Variants in CNTN4 observed in about 807,000 individuals in gnomAD.
The protein encoded by CNTN4 is contactin 4.
A neutral mutation model predicts 122.5 loss-of-function variants in CNTN4; 77 were observed. The ratio of observed to expected loss-of-function variants is 0.63; its 90% CI spans 0.52 to 0.76. The LOEUF (loss-of-function observed/expected upper bound fraction) is 0.76. Among genes scored for constraint, CNTN4 ranks in the 30% least tolerant of loss-of-function variants. CNTN4 has a pLI of 0.00. For synonymous variants in CNTN4, 512 were observed against 447.0 expected, an observed-to-expected ratio of 1.15 and a Z score of -1.83; for missense variants, 1,256 against 1,259.1, an observed-to-expected ratio of 1.00 and a Z score of 0.04.
chr3:2,348,482 G>A lies in CNTN4; in HGVS notation c.-89+9249G>A, dbSNP rs181530439. On this transcript the variant is annotated intron_variant, in intron 3 of 24. Coordinates refer to ENST00000418658, the MANE Select transcript of CNTN4 (RefSeq NM_175607.3). Reference sequence around the variant, plus strand: ...TCACCAGCCCTCAGGCCTATAGCGAGAACCACCCTGTCCCTGAACCACCAC... The same window carrying A: ...TCACCAGCCCTCAGGCCTATAGCGAAAACCACCCTGTCCCTGAACCACCAC... 2.9e-4 allele frequency among the ~76,000 whole-genome samples: 44 copies of A among 152,230 alleles called. No homozygotes were observed. In the East Asian group the frequency reaches 5.4e-3, roughly 19 times the overall value.
intron 2 of CNTN4, among the ~76,000 whole-genome samples, chr3:2,302,601 C>T (rs936569329): frequency 3.9e-5 from 6 of 152,148 alleles, no homozygotes; most frequent in East Asian, 1.9e-4. Flanking sequence ...TTAATGCTCC[C>T]GCCTGAAAAT....
At chr3:2,896,086 A>G (rs1475836419) in intron 10 of CNTN4, among the ~76,000 whole-genome samples, 1 of 152,110 alleles carries the variant, frequency 6.6e-6, no homozygotes, top group African/African-American at 2.4e-5. Context: ...GGAGTGTTAG[A>G]CATCATTAGG....
intron 2 of CNTN4, among the ~76,000 whole-genome samples, chr3:2,180,733 G>T (rs1021646784): frequency 1.3e-5 from 2 of 151,940 alleles, no homozygotes; most frequent in East Asian, 1.9e-4. Flanking sequence ...TGACTATCAC[G>T]CACACTTACA....
chr3:2,451,198 T>C (rs1202193316), intron 3 of CNTN4, among the ~76,000 whole-genome samples: 1 of 152,196 alleles, frequency 6.6e-6, no homozygotes, highest in Admixed American at 6.6e-5. Context: ...CTAGGTATAT[T>C]ATTATCCAGA....
chr3:2,133,035 G>T (rs1026876495), intron 2 of CNTN4, among the ~76,000 whole-genome samples: 1 of 152,112 alleles, frequency 6.6e-6, no homozygotes, highest in Non-Finnish European at 1.5e-5. Context: ...TAAGTAGGAG[G>T]CATGCAGAGG....
intron 7 of CNTN4, 24 bp from the exon 8 acceptor site, chr3:2,866,728 T>C: frequency 1.9e-6 from 3 of 1,598,104 alleles, no homozygotes; most frequent in Non-Finnish European, 2.6e-6. Context: ...GACATATTTG[T>C]AATGAAGATT....
intron 2 of CNTN4, among the ~76,000 whole-genome samples, chr3:2,106,066 C>G (rs1279831139): frequency 6.6e-6 from 1 of 152,216 alleles, no homozygotes; most frequent in Non-Finnish European, 1.5e-5. Context: ...CTCTATGTCT[C>G]AAGTTCAGGT....
intron 14 of CNTN4, among the ~76,000 whole-genome samples, chr3:3,019,298 T>C (rs2125578855): frequency 6.6e-6 from 1 of 152,222 alleles, no homozygotes; most frequent in Non-Finnish European, 1.5e-5. Context: ...TATTTATTTA[T>C]TTATTTTAGT....
chr3:2,170,315 G>A (rs1391489528), intron 2 of CNTN4, among the ~76,000 whole-genome samples: 4 of 151,826 alleles, frequency 2.6e-5, no homozygotes, highest in Admixed American at 2.0e-4. Context: ...CCAAGACTCC[G>A]TCTCAAAACA....
chr3:2,395,179 A>C (rs1342606741), intron 3 of CNTN4, among the ~76,000 whole-genome samples: 2 of 152,210 alleles, frequency 1.3e-5, no homozygotes, highest in African/African-American at 2.4e-5. Context: ...TTATTCATAC[A>C]GTAGAATATG....
At chr3:2,814,047 G>A (rs1165844470) in intron 6 of CNTN4, among the ~76,000 whole-genome samples, 2 of 152,074 alleles carry the variant, frequency 1.3e-5, no homozygotes, top group African/African-American at 2.4e-5. Context: ...TGAAATTCAG[G>A]TATTACATTC....
At chr3:2,193,351 A>C (rs1344061057) in intron 2 of CNTN4, among the ~76,000 whole-genome samples, 2 of 151,314 alleles carry the variant, frequency 1.3e-5, no homozygotes, top group Non-Finnish European at 2.9e-5. Flanking sequence ...AGGAGAAGGA[A>C]AAAAAAAAGC....
At chr3:2,524,859 G>T (rs1035594392) in intron 3 of CNTN4, among the ~76,000 whole-genome samples, 3 of 151,856 alleles carry the variant, frequency 2.0e-5, no homozygotes, top group African/African-American at 7.3e-5. Context: ...AACACAATAG[G>T]AAAAAAAAGT....
At chr3:2,652,441 A>G (rs2083404694) in intron 4 of CNTN4, among the ~76,000 whole-genome samples, 1 of 152,154 alleles carries the variant, frequency 6.6e-6, no homozygotes. Flanking sequence ...CTCTCTCCCA[A>G]AATACAGTAA....
At position 2,745,644 on chromosome 3, in the gene CNTN4, C is replaced by G. The variant is rs373163297; in HGVS notation, c.305C>G (p.Ala102Gly). 14 of 1,614,028 alleles carry G rather than the reference C, an allele frequency of 8.7e-6. 1 individual carries two copies. The East Asian group carries it at 3.1e-4, about 36-fold the overall frequency. The change falls in exon 6 of 25, where the codon GCG becomes GGG. Residue 102 changes from alanine (A) to glycine (G), a missense_variant. Transcript: ENST00000418658. Reference sequence around the variant, plus strand: ...GATGCTGGAACGTACCAGTGCACAGCGACAAACTCGTTTGGAACAATTGTT... The same window carrying G: ...GATGCTGGAACGTACCAGTGCACAGGGACAAACTCGTTTGGAACAATTGTT... ...TQDAGTYQCTATNSFGTIVSR... is the reference protein window; with the variant it reads ...TQDAGTYQCTGTNSFGTIVSR...
intron 13 of CNTN4, among the ~76,000 whole-genome samples, chr3:2,937,200 G>A (rs1349340998): frequency 6.6e-6 from 1 of 152,144 alleles, no homozygotes; most frequent in African/African-American, 2.4e-5. Context: ...GTCACTTCCA[G>A]CATGTCCGTC....
intron 3 of CNTN4, among the ~76,000 whole-genome samples, chr3:2,549,446 A>G (rs1470762888): frequency 6.6e-6 from 1 of 152,194 alleles, no homozygotes; most frequent in Admixed American, 6.5e-5. Context: ...TTCTGCATCT[A>G]TTGAGATAAT....
At chr3:2,114,825 T>C (rs2033228056) in intron 2 of CNTN4, among the ~76,000 whole-genome samples, 1 of 152,174 alleles carries the variant, frequency 6.6e-6, no homozygotes, top group African/African-American at 2.4e-5. Flanking sequence ...GACCAATATA[T>C]TTTCTGGCAT....
intron 2 of CNTN4, among the ~76,000 whole-genome samples, chr3:2,173,324 A>G (rs1233262353): frequency 1.3e-5 from 2 of 152,198 alleles, no homozygotes; most frequent in Non-Finnish European, 2.9e-5. Context: ...GACTTCAGCC[A>G]AGACATACAG....
Sources: allele counts gnomAD v4.1 joint callset (sites outside exome capture counted in the v4.1 genomes callset), GRCh38; gene constraint gnomAD v4.1.1; transcripts MANE v1.5; gene names NCBI Gene and HGNC (gene_info 2026-07-23, HGNC 2026-07-21).